KCNAB2: variants seen among roughly 807,000 people sequenced by gnomAD.
KCNAB2 encodes potassium voltage-gated channel subfamily A regulatory beta subunit 2, also known as voltage-gated potassium channel subunit beta-2.
In KCNAB2, 29 loss-of-function variants were observed where a neutral mutation model predicts 63.6. The ratio of observed to expected loss-of-function variants is 0.46; its 90% CI spans 0.34 to 0.62. The LOEUF is 0.62. KCNAB2 is among the 20% of genes least tolerant of loss of function. The probability of loss-of-function intolerance (pLI) is 0.01; values close to 1 mark genes in which losing one functional copy is unlikely to be tolerated. For missense variants in KCNAB2, 359 were observed against 563.9 expected, an observed-to-expected ratio of 0.64 and a Z score of 3.68; for synonymous variants, 222 against 224.2, an observed-to-expected ratio of 0.99 and a Z score of 0.09.
chr1:6,043,109 T>A (rs1259313573), upstream of KCNAB2, among the ~76,000 whole-genome samples: 5 of 152,132 alleles, frequency 3.3e-5, no homozygotes, highest in Admixed American at 3.3e-4. Flanking sequence ...GTATAACAGA[T>A]CCTAACAAAC....
At chr1:6,007,249 G>C (rs1387262940) in intron 1 of KCNAB2, among the ~76,000 whole-genome samples, 1 of 152,214 alleles carries the variant, frequency 6.6e-6, no homozygotes, top group Non-Finnish European at 1.5e-5. Context: ...GCTCCAGAGA[G>C]GTGGGGACCC....
intron 2 of KCNAB2, among the ~76,000 whole-genome samples, chr1:6,070,143 T>C (rs991207884): frequency 6.6e-6 from 1 of 152,198 alleles, no homozygotes; most frequent in Middle Eastern, 3.2e-3. Context: ...CCCAGACATA[T>C]CTAGACCAGT....
At chr1:6,037,611 C>T (rs918307852) in intron 1 of KCNAB2, among the ~76,000 whole-genome samples, 4 of 152,188 alleles carry the variant, frequency 2.6e-5, no homozygotes, top group Admixed American at 2.6e-4. Flanking sequence ...CACTGTCCTC[C>T]GATCGAAAGC....
chr1:6,002,839 G>T (rs1037566947), intron 1 of KCNAB2, among the ~76,000 whole-genome samples: 5 of 152,162 alleles, frequency 3.3e-5, no homozygotes, highest in African/African-American at 9.7e-5. Flanking sequence ...TCTGGACGAC[G>T]CTGACAGCAG....
At position 6,096,720 on chromosome 1, in the gene KCNAB2, G is replaced by A. The variant is rs775454925; in HGVS notation, c.1033G>A (p.Glu345Lys). Residue 345 changes from glutamate to lysine, a missense_variant, in exon 14 of 16, where the codon GAG becomes AAG. By Grantham distance (56) the Glu-to-Lys change is moderately conservative. This residue lies in a region of KCNAB2 where 271 missense variants were observed against 476.1 expected (regional missense o/e 0.57). Transcript: ENST00000378083. The surrounding 1 kb of genome is among the most constrained non-coding windows in gnomAD (Gnocchi z 5.9). ...AKLKELQAIA[E>K]RLGCTLPQLA... ...GCTGAAGGAGCTGCAGGCCATCGCCGAGCGCCTGGGCTGCACCCTGCCCCA... is the reference window on the plus strand; with the variant it reads ...GCTGAAGGAGCTGCAGGCCATCGCCAAGCGCCTGGGCTGCACCCTGCCCCA... 3.8e-6 allele frequency: 6 copies of A among 1,594,728 alleles called. No homozygotes were observed. The highest frequency in any genetic ancestry group is 4.3e-6 in the Non-Finnish European group (5 of 1,172,216).
chr1:6,008,241 C>T (rs1162102790), intron 1 of KCNAB2, among the ~76,000 whole-genome samples: 28 of 152,316 alleles, frequency 1.8e-4, no homozygotes, highest in Non-Finnish European at 2.9e-5. Context: ...GGACCCGCCC[C>T]CCCATCACCC....
chr1:6,089,635 C>T (rs991242319), intron 8 of KCNAB2, among the ~76,000 whole-genome samples: 5 of 152,248 alleles, frequency 3.3e-5, no homozygotes, highest in African/African-American at 9.6e-5. Flanking sequence ...TTCACTCTGC[C>T]GGCTGTGTGT....
At chr1:6,082,009 C>T (rs1186395332) in intron 4 of KCNAB2, among the ~76,000 whole-genome samples, 186 bp from the exon 5 acceptor site, 1 of 152,212 alleles carries the variant, frequency 6.6e-6, no homozygotes, top group Non-Finnish European at 1.5e-5. Context: ...GGGTTTGTTA[C>T]TGAGAGCTGC....
rs1362797779 is a variant in KCNAB2 at position 5,994,132 on chromosome 1, G to A, written c.-53+1344G>A. On this transcript the variant is annotated intron_variant, in intron 1 of 16. Transcript: ENST00000341524. The surrounding 1 kb of genome is among the most constrained non-coding windows in gnomAD (Gnocchi z 5.4). ...GGCCACAGCTGTCCCACTGTCTGTC[G>A]TTTCAGGATTTTTTCTTTCTCTGCA... Among the ~76,000 whole-genome samples the A allele has an allele frequency of 6.6e-6, 1 of 152,206 alleles. No homozygotes were observed. Among genetic ancestry groups the A allele is most frequent in the Admixed American group, 6.5e-5 (1 of 15,286 alleles).
Position 6,024,558 on chromosome 1 carries a change from G to A in KCNAB2, c.-52-15959G>A, listed in dbSNP as rs1328762203. 6.6e-6 allele frequency among the ~76,000 whole-genome samples: 1 copy of A among 152,250 alleles called. No homozygotes were observed. The highest frequency in any genetic ancestry group is 1.5e-5 in the Non-Finnish European group (1 of 68,046). ...GTTTGAGGGCTGGTTCAGTGTGTCTGAAACTGCGAAGCAGCCAGTGAGGTT... is the reference window on the plus strand; with the variant it reads ...GTTTGAGGGCTGGTTCAGTGTGTCTAAAACTGCGAAGCAGCCAGTGAGGTT... On this transcript the variant is annotated intron_variant, in intron 1 of 16. Transcript: ENST00000341524. The surrounding 1 kb of genome is among the most constrained non-coding windows in gnomAD (Gnocchi z 5.4).
At chr1:6,089,841 G>T (rs1413593444) in intron 8 of KCNAB2, among the ~76,000 whole-genome samples, 1 of 152,184 alleles carries the variant, frequency 6.6e-6, no homozygotes, top group Non-Finnish European at 1.5e-5. Flanking sequence ...GGGATTACAG[G>T]TGCCCACCAC....
chr1:6,088,960 G>C (rs1223697260), intron 7 of KCNAB2, 48 bp from the exon 8 acceptor site: 3 of 1,535,500 alleles, frequency 2.0e-6, no homozygotes, highest in African/African-American at 2.8e-5. Context: ...GAGGGGCCAG[G>C]GTGCCAAAAC....
chr1:6,066,239 G>T (rs554139724), intron 2 of KCNAB2, among the ~76,000 whole-genome samples: 3 of 152,208 alleles, frequency 2.0e-5, no homozygotes, highest in Non-Finnish European at 4.4e-5. Context: ...CCCGTGTGCC[G>T]GTGACACCAG....
chr1:6,098,868 C>T lies in KCNAB2; in HGVS notation c.*294C>T, dbSNP rs1185136031. On this transcript the variant is annotated 3_prime_UTR_variant, in exon 16 of 16. Coordinates refer to ENST00000378083, the MANE Select transcript of KCNAB2 (RefSeq NM_001199862.2). ...TCCTCCAAGACCACCCAGCTTTCTC[C>T]CAGCCACAGCCAAGATTCCCAAAGT... 3 of 283,930 alleles carry T rather than the reference C, an allele frequency of 1.1e-5. No individual in the cohort carries two copies. Among genetic ancestry groups the T allele is most frequent in the Non-Finnish European group, 2.0e-5 (3 of 151,912 alleles). The allele number at this position is 283,930 out of a possible 1,614,324, so 17.6% of individuals were successfully genotyped here.
In KCNAB2 at chr1:6,071,867, G is replaced by A. The variant is rs1204031767; in HGVS notation, c.219-888G>A. 4.0e-5 allele frequency among the ~76,000 whole-genome samples: 6 copies of A among 151,102 alleles called. No individual in the cohort carries two copies. Among genetic ancestry groups the A allele is most frequent in the African/African-American group, 7.3e-5 (3 of 41,092 alleles). On this transcript the variant is annotated intron_variant, in intron 2 of 15. Transcript: ENST00000378083. This position sits in a 1 kb window ranked among gnomAD's most constrained non-coding sequence, Gnocchi z 8.5. ...CTGCCGCGAGGGCACCTCCTGCCGC[G>A]TGGGCTCCTCCTGCCGCGTAGGGCT...
rs1167154344 is a variant in KCNAB2, at chr1:6,100,453, G to A, written c.*1879G>A. 3 of 161,256 alleles carry A rather than the reference G, an allele frequency of 1.9e-5. No homozygotes were observed. The highest frequency in any genetic ancestry group is 4.8e-5 in the African/African-American group (2 of 41,834). The allele number at this position is 161,256 out of a possible 1,614,324, so 10.0% of individuals were successfully genotyped here. A position where few individuals can be genotyped will look rare whatever the true frequency, so the allele number is the denominator to read the frequency against. On this transcript the variant is annotated 3_prime_UTR_variant, in exon 16 of 16. Coordinates refer to ENST00000378083, the MANE Select transcript of KCNAB2 (RefSeq NM_001199862.2). ...GGGTCGCCTGCTTCCTTCCCGGACAGGGTCCTGCAGTGGCCAATGGTGCCA... is the reference window on the plus strand; with the variant it reads ...GGGTCGCCTGCTTCCTTCCCGGACAAGGTCCTGCAGTGGCCAATGGTGCCA...
intron 1 of KCNAB2, among the ~76,000 whole-genome samples, chr1:6,008,382 A>G (rs1477963953): frequency 2.6e-5 from 4 of 152,178 alleles, no homozygotes; most frequent in African/African-American, 9.7e-5. Flanking sequence ...GCACTTTGGT[A>G]GGCCAAGGTG....
chr1:6,060,946 A>G (rs1570989619), intron 2 of KCNAB2, among the ~76,000 whole-genome samples: 1 of 148,876 alleles, frequency 6.7e-6, no homozygotes, highest in South Asian at 2.1e-4. Context: ...CCTTCTCCAG[A>G]CCTTGAGCCC....
At chr1:6,098,043 G>T (rs563583921) in intron 15 of KCNAB2, 14 of 481,144 alleles carry the variant, frequency 2.9e-5, no homozygotes, top group Non-Finnish European at 3.8e-5. Context: ...GGGAAGGTGG[G>T]GCCCCCGGGA....
Sources: allele counts gnomAD v4.1 joint callset (sites outside exome capture counted in the v4.1 genomes callset), GRCh38; gene constraint gnomAD v4.1.1; regional missense constraint gnomAD v4.1.1; non-coding constraint Gnocchi (gnomAD v3.1); transcripts MANE v1.5; gene names NCBI Gene and HGNC (gene_info 2026-07-23, HGNC 2026-07-21).